NXPH1: variants seen among roughly 807,000 people sequenced by gnomAD.
NXPH1 encodes the protein neurexophilin-1.
In NXPH1, 5 loss-of-function variants were observed where a neutral mutation model predicts 23.7. That is an observed-to-expected ratio of 0.21 (90% CI 0.11 to 0.44). The LOEUF (loss-of-function observed/expected upper bound fraction) is 0.44. NXPH1 is among the 20% of genes least tolerant of loss of function. The probability of loss-of-function intolerance (pLI) is 0.99; values close to 1 mark genes in which losing one functional copy is unlikely to be tolerated. For missense variants in NXPH1, 324 were observed against 321.6 expected, an observed-to-expected ratio of 1.01 and a Z score of -0.06; for synonymous variants, 144 against 122.2, an observed-to-expected ratio of 1.18 and a Z score of -1.18.
At chr7:8,692,718 C>A (rs1821241135) in intron 2 of NXPH1, among the ~76,000 whole-genome samples, 1 of 152,106 alleles carries the variant, frequency 6.6e-6, no homozygotes, top group Non-Finnish European at 1.5e-5. Context: ...CTCCCAGTAT[C>A]CTTTGTGTAC....
At chr7:8,618,985 G>A (rs1278713397) in intron 2 of NXPH1, among the ~76,000 whole-genome samples, 1 of 152,108 alleles carries the variant, frequency 6.6e-6, no homozygotes, top group Non-Finnish European at 1.5e-5. Context: ...AATCTTTTCA[G>A]TTTGTGTGTT....
At chr7:8,467,342 G>A (rs548740077) in intron 2 of NXPH1, among the ~76,000 whole-genome samples, 2 of 152,218 alleles carry the variant, frequency 1.3e-5, no homozygotes, top group South Asian at 2.1e-4. Context: ...AGCCTCTTCT[G>A]GAATTCTCCC....
chr7:8,682,854 T>A (rs555643357), intron 2 of NXPH1, among the ~76,000 whole-genome samples: 1 of 152,236 alleles, frequency 6.6e-6, no homozygotes, highest in Non-Finnish European at 1.5e-5. Flanking sequence ...TAGAATGTGA[T>A]GTTGAATATT....
chr7:8,631,562 T>C (rs2349496), intron 2 of NXPH1, among the ~76,000 whole-genome samples: 1 of 144,692 alleles, frequency 6.9e-6, no homozygotes, highest in African/African-American at 2.6e-5. Context: ...ATAAGGTTTT[T>C]TTTTCTAGTA....
At chr7:8,518,627 C>A (rs1036489310) in intron 2 of NXPH1, among the ~76,000 whole-genome samples, 5 of 151,820 alleles carry the variant, frequency 3.3e-5, no homozygotes, top group Admixed American at 1.3e-4. Context: ...GCTGGGACTG[C>A]AGGTACAGGA....
intron 2 of NXPH1, among the ~76,000 whole-genome samples, chr7:8,711,561 C>T (rs2115197734): frequency 6.6e-6 from 1 of 152,234 alleles, no homozygotes; most frequent in Non-Finnish European, 1.5e-5. Flanking sequence ...TCAACATGGG[C>T]TGGCACAATT....
intron 2 of NXPH1, among the ~76,000 whole-genome samples, chr7:8,604,077 A>G (rs1819423074): frequency 6.6e-6 from 1 of 152,124 alleles, no homozygotes; most frequent in Non-Finnish European, 1.5e-5. Flanking sequence ...AAAAAATAAA[A>G]AAAAAAGTGG....
At chr7:8,634,211 G>A (rs1820179265) in intron 2 of NXPH1, among the ~76,000 whole-genome samples, 1 of 152,042 alleles carries the variant, frequency 6.6e-6, no homozygotes, top group South Asian at 2.1e-4. Context: ...TGAATCATGG[G>A]GGCGGGTTTT....
chr7:8,548,703 T>C (rs1818233217), intron 2 of NXPH1, among the ~76,000 whole-genome samples: 1 of 151,532 alleles, frequency 6.6e-6, no homozygotes, highest in African/African-American at 2.4e-5. Context: ...ACAGCTTTGC[T>C]GCTTACTATG....
intron 2 of NXPH1, among the ~76,000 whole-genome samples, chr7:8,743,498 G>T (rs1780404705): frequency 6.6e-6 from 1 of 152,080 alleles, no homozygotes; most frequent in Non-Finnish European, 1.5e-5. Flanking sequence ...TGGGAGTGAA[G>T]TCGAGAAGTG....
chr7:8,686,600 CCTGTT>C (rs557167842), intron 2 of NXPH1, among the ~76,000 whole-genome samples: 19 of 152,172 alleles, frequency 1.2e-4, no homozygotes, highest in Middle Eastern at 3.4e-3. Flanking sequence ...GAATTATACT[CCTGTT>C]CTGATATGTA....
At chr7:8,604,152 A>T (rs1175205459) in intron 2 of NXPH1, among the ~76,000 whole-genome samples, 1 of 152,162 alleles carries the variant, frequency 6.6e-6, no homozygotes, top group East Asian at 1.9e-4. Flanking sequence ...GGCATTTTCT[A>T]AGTCAGAATC....
In NXPH1 at chr7:8,710,197, G is replaced by C. The variant is rs192391206; in HGVS notation, c.55-40811G>C. On this transcript the variant is annotated intron_variant, in intron 2 of 2. Transcript: ENST00000405863. ...TTTGAGCTCTTGATTAGAAGAGGAG[G>C]GGTCCTGCAAGTTGAGCAGTTTATT... Among the ~76,000 whole-genome samples, 18 of 152,290 alleles carry C rather than the reference G, an allele frequency of 1.2e-4. No homozygotes were observed. In the East Asian group the frequency reaches 3.5e-3, roughly 29 times the overall value.
chr7:8,484,722 A>T (rs1465319593), intron 2 of NXPH1, among the ~76,000 whole-genome samples: 2 of 152,220 alleles, frequency 1.3e-5, no homozygotes, highest in African/African-American at 4.8e-5. Flanking sequence ...GGACGTATGT[A>T]GGTGTATTTA....
chr7:8,688,932 G>T (rs1216568455), intron 2 of NXPH1, among the ~76,000 whole-genome samples: 1 of 152,148 alleles, frequency 6.6e-6, no homozygotes, highest in Non-Finnish European at 1.5e-5. Context: ...ACTGACATCT[G>T]TTAATGTTTC....
At chr7:8,490,141 C>T (rs2128611017) in intron 2 of NXPH1, among the ~76,000 whole-genome samples, 1 of 152,098 alleles carries the variant, frequency 6.6e-6, no homozygotes, top group South Asian at 2.1e-4. Flanking sequence ...ATTCAAAGTC[C>T]ACAGTTTTCC....
chr7:8,464,755 G>GT (rs34571106), intron 2 of NXPH1, among the ~76,000 whole-genome samples: 57,234 of 151,010 alleles, frequency 0.38, 11,181 homozygotes, highest in East Asian at 0.63. Flanking sequence ...TGCGTGTAGT[G>GT]TTTTTTTTTG....
chr7:8,707,670 A>G (rs1027869403), intron 2 of NXPH1, among the ~76,000 whole-genome samples: 2 of 152,134 alleles, frequency 1.3e-5, no homozygotes, highest in Non-Finnish European at 2.9e-5. Context: ...AAGCAGTAAG[A>G]CATATGAGAG....
At chr7:8,717,478 C>G (rs1779896270) in intron 2 of NXPH1, among the ~76,000 whole-genome samples, 1 of 152,144 alleles carries the variant, frequency 6.6e-6, no homozygotes, top group East Asian at 1.9e-4. Context: ...TAAAAAAAAC[C>G]CCTTAGATGT....
Sources: gnomAD v4.1 joint callset for allele counts (sites outside exome capture counted in the v4.1 genomes callset) on GRCh38, gnomAD v4.1.1 for gene constraint, MANE v1.5 for transcripts, NCBI Gene and HGNC (gene_info 2026-07-23, HGNC 2026-07-21) for gene names.